The following MCC variants were observed in gnomAD, a reference collection of about 807,000 sequenced individuals.
MCC encodes the protein MCC regulator of Wnt signaling pathway.
In MCC, 90 loss-of-function variants were observed where a neutral mutation model predicts 116.2. The observed-to-expected ratio is 0.77, with a 90% CI of 0.65 to 0.92. MCC has a LOEUF of 0.92. MCC is among the 40% of genes least tolerant of loss of function. The probability of loss-of-function intolerance (pLI) is 0.00; values close to 1 mark genes in which losing one functional copy is unlikely to be tolerated. For synonymous variants in MCC, 578 were observed against 510.5 expected (o/e 1.13, Z -1.78); for missense variants, 1,516 against 1,312.2 (o/e 1.16, Z -2.40).
intron 3 of MCC, among the ~76,000 whole-genome samples, chr5:113,237,390 G>A (rs1466536028): frequency 6.6e-6 from 1 of 152,134 alleles, no homozygotes; most frequent in African/African-American, 2.4e-5. Context: ...TTGATATGCG[G>A]AAATAAATGT....
chr5:113,209,403 G>A (rs1447781529), intron 3 of MCC, among the ~76,000 whole-genome samples: 4 of 152,178 alleles, frequency 2.6e-5, no homozygotes, highest in African/African-American at 4.8e-5. Flanking sequence ...AACATCAGAC[G>A]GTGCCGATGG....
At chr5:113,286,922 A>G (rs1425801271) in intron 3 of MCC, among the ~76,000 whole-genome samples, 2 of 152,214 alleles carry the variant, frequency 1.3e-5, no homozygotes, top group Non-Finnish European at 2.9e-5. Flanking sequence ...GAGAAAAAGG[A>G]CATTGGCTAG....
At chr5:113,065,502 C>T (rs921508168) in intron 13 of MCC, among the ~76,000 whole-genome samples, 4 of 152,182 alleles carry the variant, frequency 2.6e-5, no homozygotes, top group Admixed American at 2.6e-4. Context: ...ATAGAAAATG[C>T]TATCCTAACA....
intron 3 of MCC, among the ~76,000 whole-genome samples, chr5:113,330,223 T>C (rs1425666543): frequency 6.6e-6 from 1 of 152,230 alleles, no homozygotes; most frequent in Non-Finnish European, 1.5e-5. Flanking sequence ...GCCCATGTAA[T>C]GGAGCAGAGC....
chr5:113,245,049 TG>T (rs1299823389), intron 3 of MCC, among the ~76,000 whole-genome samples: 2 of 152,144 alleles, frequency 1.3e-5, no homozygotes, highest in African/African-American at 4.8e-5. Context: ...TCCAGCACTT[TG>T]GGAGGCTGAG....
At chr5:113,099,907 A>C (rs1480147345) in intron 8 of MCC, among the ~76,000 whole-genome samples, 2 of 152,270 alleles carry the variant, frequency 1.3e-5, no homozygotes, top group Admixed American at 6.5e-5. Flanking sequence ...ATCAGAATGC[A>C]CACACTAAGA....
chr5:113,168,752 G>A (rs1290175953), intron 3 of MCC, among the ~76,000 whole-genome samples: 1 of 152,064 alleles, frequency 6.6e-6, no homozygotes, highest in Non-Finnish European at 1.5e-5. Flanking sequence ...GGTGTTGGGG[G>A]GAAAACAGGG....
intron 8 of MCC, among the ~76,000 whole-genome samples, chr5:113,098,289 A>G (rs2150252493): frequency 6.6e-6 from 1 of 152,138 alleles, no homozygotes. Context: ...CTCTCAGGGC[A>G]CTCTCTGTGT....
At chr5:113,039,703 C>T (rs1239638216) in intron 17 of MCC, among the ~76,000 whole-genome samples, 1 of 141,286 alleles carries the variant, frequency 7.1e-6, no homozygotes. Context: ...CTTGCCGTCC[C>T]ACTCCGCGCC....
At chr5:113,203,144 T>A (rs1762756727) in intron 3 of MCC, 2 of 152,158 alleles carry the variant, frequency 1.3e-5, no homozygotes, top group Non-Finnish European at 2.9e-5. Context: ...CAGGGCTCCC[T>A]CTTGCCCCAC....
chr5:113,294,218 T>C, intron 3 of MCC: 1 of 1,349,788 alleles, frequency 7.4e-7, no homozygotes, highest in South Asian at 1.4e-5. Context: ...GCCTCCAGAC[T>C]GGGAGCACAG....
At chr5:113,249,969 G>A (rs1180476454) in intron 3 of MCC, among the ~76,000 whole-genome samples, 13 of 152,144 alleles carry the variant, frequency 8.5e-5, no homozygotes, top group African/African-American at 2.2e-4. Flanking sequence ...AAAAAGTGGC[G>A]GAGGGAAATA....
intron 3 of MCC, among the ~76,000 whole-genome samples, chr5:113,170,426 G>T (rs1405369863): frequency 6.6e-6 from 1 of 152,140 alleles, no homozygotes. Context: ...ACAACTGCAT[G>T]AATGGTGAGA....
chr5:113,212,577 C>T (rs758828883), intron 3 of MCC, among the ~76,000 whole-genome samples: 6 of 152,194 alleles, frequency 3.9e-5, no homozygotes, highest in Non-Finnish European at 7.3e-5. Context: ...GATATAGCCA[C>T]GTTTATTGTA....
Position 113,303,514 on chromosome 5 carries a change from G to A in MCC, c.627+37005C>T, listed in dbSNP as rs904310510. 5.3e-5 allele frequency among the ~76,000 whole-genome samples: 8 copies of A among 152,334 alleles called. No individual in the cohort carries two copies. In the East Asian group the frequency reaches 1.5e-3, roughly 29 times the overall value. ...GTGTGGGATGCTGCTGAGAGTTTAA[G>A]AAAGCTGACAATGAAGAAGTGTCAT... On this transcript the variant is annotated intron_variant, in intron 3 of 18. Coordinates refer to ENST00000408903, the MANE Select transcript of MCC (RefSeq NM_001085377.2).
chr5:113,093,988 T>C (rs780587069), intron 8 of MCC, among the ~76,000 whole-genome samples: 4 of 152,212 alleles, frequency 2.6e-5, no homozygotes, highest in Admixed American at 6.5e-5. Flanking sequence ...TGAGAATCAC[T>C]AGGCTGGGAA....
chr5:113,433,772 C>G (rs192198028), intron 1 of MCC: 3 of 1,613,818 alleles, frequency 1.9e-6, no homozygotes, highest in South Asian at 2.2e-5. Flanking sequence ...GTTGGGGGGG[C>G]CCTTCCTCTG....
intron 2 of MCC, among the ~76,000 whole-genome samples, chr5:113,364,529 C>G (rs930174558): frequency 6.6e-6 from 1 of 152,226 alleles, no homozygotes; most frequent in African/African-American, 2.4e-5. Flanking sequence ...GTGGCTCTAC[C>G]ATTCCAGGGT....
chr5:113,074,124 C>G (rs775775353), intron 11 of MCC, among the ~76,000 whole-genome samples: 5 of 152,220 alleles, frequency 3.3e-5, no homozygotes, highest in African/African-American at 1.2e-4. Flanking sequence ...CTGGGAGACA[C>G]CTCCCAGTAG....
Sources: gnomAD v4.1 joint callset for allele counts (sites outside exome capture counted in the v4.1 genomes callset) on GRCh38, gnomAD v4.1.1 for gene constraint, MANE v1.5 for transcripts, NCBI Gene and HGNC (gene_info 2026-07-23, HGNC 2026-07-21) for gene names.